ADGRD1: variants seen among roughly 807,000 people sequenced by gnomAD.
ADGRD1 encodes adhesion G protein-coupled receptor D1, also known as G-protein coupled receptor 133.
Under a neutral mutation model 113.4 loss-of-function variants are expected in ADGRD1, and 77 were observed. The observed-to-expected ratio is 0.68, with a 90% CI of 0.57 to 0.82. ADGRD1 has a LOEUF of 0.82. Ranked by LOEUF, ADGRD1 falls within the 40% of genes least tolerant of loss-of-function variation. The pLI is 0.00. For missense variants in ADGRD1, 1,036 were observed against 1,139.1 expected, an observed-to-expected ratio of 0.91 and a Z score of 1.30; for synonymous variants, 474 against 475.0, an observed-to-expected ratio of 1.00 and a Z score of 0.03.
chr12:130,987,615 A>G (rs907352919), intron 6 of ADGRD1: 7 of 513,366 alleles, frequency 1.4e-5, no homozygotes, highest in African/African-American at 1.3e-4. Context: ...GGACGATTAT[A>G]GAAGGCTTTG....
chr12:131,117,846 C>T (rs566210316), intron 18 of ADGRD1, among the ~76,000 whole-genome samples: 5 of 152,358 alleles, frequency 3.3e-5, no homozygotes, highest in African/African-American at 9.6e-5. Flanking sequence ...TTTCCACCGC[C>T]GCTCTAGAAC....
Position 130,954,674 on chromosome 12 carries a change from C to T in ADGRD1, c.103+14C>T. 1.9e-6 allele frequency: 3 copies of T among 1,610,470 alleles called. No individual in the cohort carries two copies. The highest frequency in any genetic ancestry group is 2.5e-6 in the Non-Finnish European group (3 of 1,178,034). On this transcript the variant is annotated intron_variant, in intron 2 of 24. Coordinates refer to ENST00000261654, the MANE Select transcript of ADGRD1 (RefSeq NM_198827.5). The surrounding 1 kb of genome is among the most constrained non-coding windows in gnomAD (Gnocchi z 4.7). ...AGGACCATCCAGGTAAGAGTGTTTC[C>T]TTCTCACTCTGAGCACCGCTCTCCC...
intron 12 of ADGRD1, among the ~76,000 whole-genome samples, chr12:131,013,404 AG>A (rs1878163323): frequency 1.3e-5 from 2 of 152,258 alleles, no homozygotes; most frequent in Non-Finnish European, 2.9e-5. Flanking sequence ...AGCAGCTCCC[AG>A]GGCCTCGTGC....
chr12:131,108,152 G>A (rs1950273796), intron 17 of ADGRD1, among the ~76,000 whole-genome samples: 1 of 152,224 alleles, frequency 6.6e-6, no homozygotes, highest in Non-Finnish European at 1.5e-5. Flanking sequence ...CCCTATTGAG[G>A]GGAAGCCTAT....
intron 15 of ADGRD1, among the ~76,000 whole-genome samples, chr12:131,103,051 C>G (rs1056628550): frequency 2.0e-5 from 3 of 152,258 alleles, no homozygotes; most frequent in African/African-American, 4.8e-5. Flanking sequence ...CTCCCTGGCC[C>G]TGGCCACGCA....
At chr12:131,130,886 G>A (rs923162493) in intron 20 of ADGRD1, among the ~76,000 whole-genome samples, 5 of 152,208 alleles carry the variant, frequency 3.3e-5, no homozygotes, top group South Asian at 2.1e-4. Context: ...CTGTGAGGCC[G>A]GCGAGGTAGA....
In ADGRD1 at chr12:131,031,549, C is replaced by T. The variant is rs147645506; in HGVS notation, c.1473+17209C>T. Reference sequence around the variant, plus strand: ...GTTTGTCGGTGGTTTTCCCAAGGTTCCAGGATTAGCAAACACGGCCCCCCC... The same window carrying T: ...GTTTGTCGGTGGTTTTCCCAAGGTTTCAGGATTAGCAAACACGGCCCCCCC... On this transcript the variant is annotated intron_variant, in intron 13 of 24. Transcript: ENST00000261654. Among the ~76,000 whole-genome samples, 506 of 152,174 alleles carry T rather than the reference C, an allele frequency of 3.3e-3. 2 individuals are homozygous for T. The highest frequency in any genetic ancestry group is 0.012 in the African/African-American group (493 of 41,500).
rs1319713823 is a variant in ADGRD1 at position 130,984,661 on chromosome 12, C to G, written c.491-2434C>G. ...ATTGTCACCCAAAGTCCATAGTTCA[C>G]ATTAGCATTTGCTCTCGGTGTTGTA... On this transcript the variant is annotated intron_variant, in intron 5 of 24. Coordinates refer to ENST00000261654, the MANE Select transcript of ADGRD1 (RefSeq NM_198827.5). This position sits in a 1 kb window ranked among gnomAD's most constrained non-coding sequence, Gnocchi z 4.1. 1.3e-5 allele frequency among the ~76,000 whole-genome samples: 2 copies of G among 152,066 alleles called. No homozygotes were observed. Among genetic ancestry groups the G allele is most frequent in the East Asian group, 3.9e-4 (2 of 5,178 alleles).
intron 8 of ADGRD1, among the ~76,000 whole-genome samples, chr12:130,998,186 G>A (rs143638457): frequency 2.0e-5 from 3 of 151,986 alleles, no homozygotes; most frequent in Non-Finnish European, 2.9e-5. Context: ...GAGGGAGACC[G>A]TGGGGAGAGG....
Position 130,954,111 on chromosome 12 carries a change from G to A in ADGRD1, c.-355G>A. 1 of 242,846 alleles carries A rather than the reference G, an allele frequency of 4.1e-6. No homozygotes were observed. The highest frequency in any genetic ancestry group is 8.3e-5 in the East Asian group (1 of 12,060). The allele number at this position is 242,846 out of a possible 1,614,324, so 15.0% of individuals were successfully genotyped here. On this transcript the variant is annotated 5_prime_UTR_variant, in exon 1 of 25. Transcript: ENST00000261654. The surrounding 1 kb of genome is among the most constrained non-coding windows in gnomAD (Gnocchi z 4.7). ...GCTCTTGAAATAAAAAGAAAATACC[G>A]CAGGACAAACAGCCTCCCGTCCCCG...
At position 131,090,673 on chromosome 12, in the gene ADGRD1, A is replaced by G. The variant is rs114064982; in HGVS notation, c.1671+6010A>G. 7.8e-3 allele frequency among the ~76,000 whole-genome samples: 1,183 copies of G among 152,290 alleles called. 13 individuals are homozygous for G. Among genetic ancestry groups the G allele is most frequent in the African/African-American group, 0.027 (1,127 of 41,556 alleles). On this transcript the variant is annotated intron_variant, in intron 15 of 24. Transcript: ENST00000261654. Reference sequence around the variant, plus strand: ...TCTGTCTTTGCATGCTGCTGTCAACATGGTGATTAGGGCCCAGGCCCTGAG... The same window carrying G: ...TCTGTCTTTGCATGCTGCTGTCAACGTGGTGATTAGGGCCCAGGCCCTGAG...
chr12:131,031,008 G>A (rs1880660552), intron 13 of ADGRD1, among the ~76,000 whole-genome samples: 1 of 152,146 alleles, frequency 6.6e-6, no homozygotes, highest in South Asian at 2.1e-4. Flanking sequence ...CCCCACCGAG[G>A]GCCGCTCTTT....
At chr12:131,105,285 A>T (rs1484600374) in intron 16 of ADGRD1, among the ~76,000 whole-genome samples, 1 of 152,258 alleles carries the variant, frequency 6.6e-6, no homozygotes, top group Non-Finnish European at 1.5e-5. Context: ...AGTAAACAAA[A>T]GCGAGAACAA....
intron 18 of ADGRD1, among the ~76,000 whole-genome samples, chr12:131,117,762 G>GT (rs1302967936): frequency 2.0e-5 from 3 of 152,192 alleles, no homozygotes; most frequent in African/African-American, 7.2e-5. Flanking sequence ...CTCAAATACT[G>GT]TAAGAATGTG....
intron 13 of ADGRD1, among the ~76,000 whole-genome samples, chr12:131,058,744 G>C (rs1566072746): frequency 6.6e-6 from 1 of 152,198 alleles, no homozygotes; most frequent in Non-Finnish European, 1.5e-5. Flanking sequence ...CTAATTGTCT[G>C]GCCTTGTAGG....
At chr12:131,131,594 G>C in intron 20 of ADGRD1, 131 bp from the exon 21 acceptor site, 1 of 641,428 alleles carries the variant, frequency 1.6e-6, no homozygotes, top group Non-Finnish European at 2.8e-6. Context: ...TTGTCCCAGT[G>C]ATGCCCCTGT....
chr12:131,089,335 C>T (rs1886739796), intron 15 of ADGRD1, among the ~76,000 whole-genome samples: 1 of 152,240 alleles, frequency 6.6e-6, no homozygotes, highest in African/African-American at 2.4e-5. Flanking sequence ...ACAGGCATTG[C>T]CTTCAGGGAA....
Position 131,041,407 on chromosome 12 carries a change from C to A in ADGRD1, c.1473+27067C>A, listed in dbSNP as rs571142103. On this transcript the variant is annotated intron_variant, in intron 13 of 24. Coordinates refer to ENST00000261654, the MANE Select transcript of ADGRD1 (RefSeq NM_198827.5). The surrounding 1 kb of genome is among the most constrained non-coding windows in gnomAD (Gnocchi z 4.4). ...CCTTTCCCTGTCCAGTGGAAAGCCT[C>A]GATGGGGAGCTGACCCAGCCACCTG... Among the ~76,000 whole-genome samples, 2 of 152,112 alleles carry A rather than the reference C, an allele frequency of 1.3e-5. No homozygotes were observed. Among genetic ancestry groups the A allele is most frequent in the Non-Finnish European group, 2.9e-5 (2 of 68,012 alleles).
At chr12:131,089,173 C>G (rs1359536440) in intron 15 of ADGRD1, among the ~76,000 whole-genome samples, 1 of 152,198 alleles carries the variant, frequency 6.6e-6, no homozygotes, top group African/African-American at 2.4e-5. Flanking sequence ...GAAGAACTTC[C>G]CTTGTCGCAG....
Sources: allele counts gnomAD v4.1 joint callset (sites outside exome capture counted in the v4.1 genomes callset), GRCh38; gene constraint gnomAD v4.1.1; non-coding constraint Gnocchi (gnomAD v3.1); transcripts MANE v1.5; gene names NCBI Gene and HGNC (gene_info 2026-07-23, HGNC 2026-07-21).